UGT1A1: variants seen among roughly 807,000 people sequenced by gnomAD.
UGT1A1 encodes UDP glucuronosyltransferase family 1 member A1.
A neutral mutation model predicts 40.6 loss-of-function variants in UGT1A1; 33 were observed. That is an observed-to-expected ratio of 0.81 (90% confidence interval 0.62 to 1.09). The LOEUF (loss-of-function observed/expected upper bound fraction) is 1.09, where lower values mean the gene tolerates loss of function less well. Ranked by LOEUF, UGT1A1 falls within the 50% of genes least tolerant of loss-of-function variation. The pLI is 0.00. For missense variants in UGT1A1, 694 were observed against 671.2 expected, an observed-to-expected ratio of 1.03 and a Z score of -0.38; for synonymous variants, 249 against 265.0, an observed-to-expected ratio of 0.94 and a Z score of 0.59.
chr2:233,769,487 TTA>T lies in UGT1A1; in HGVS notation c.1304+1050_1304+1051del. On this transcript the variant is annotated intron_variant, in intron 4 of 4. Coordinates refer to ENST00000305208, the MANE Select transcript of UGT1A1 (RefSeq NM_000463.3). This position sits in a 1 kb window ranked among gnomAD's most constrained non-coding sequence, Gnocchi z 4.4. ...TGCGTGTGTGTGTGTGTGCGTGTGT[TTA>T]TGAGAGTGTCCATTGCTTTCTCCCA... The T allele has an allele frequency of 1.2e-6, 2 of 1,612,452 alleles. No individual in the cohort carries two copies. The highest frequency in any genetic ancestry group is 1.7e-6 in the Non-Finnish European group (2 of 1,179,688).
At position 233,761,153 on chromosome 2, in the gene UGT1A1, T is replaced by C. The variant is rs772088902; in HGVS notation, c.864+2T>C. The C allele has an allele frequency of 6.2e-7, 1 of 1,614,188 alleles. No individual in the cohort carries two copies. Among genetic ancestry groups the C allele is most frequent in the Non-Finnish European group, 8.5e-7 (1 of 1,180,042 alleles). On this transcript the variant is annotated splice_donor_variant, in intron 1 of 4. Coordinates refer to ENST00000305208, the MANE Select transcript of UGT1A1 (RefSeq NM_000463.3). LOFTEE classifies it high-confidence loss of function. ...CTTCACCAAAATCCACTATCCCAGG[T>C]GTGTATTGGAGTGGGACTTTTACAT... is the stretch of plus-strand genomic sequence containing the variant.
Position 233,772,725 on chromosome 2 carries a change from A to G in UGT1A1, c.*166A>G. ...AAATTCTCTTAAATAAAAATAATAG[A>G]CTCGCTAGTCAGTAAAGATATTTGA... On this transcript the variant is annotated 3_prime_UTR_variant, in exon 5 of 5. Coordinates refer to ENST00000305208, the MANE Select transcript of UGT1A1 (RefSeq NM_000463.3). The G allele has an allele frequency of 6.9e-7, 1 of 1,452,344 alleles. No homozygotes were observed. Among genetic ancestry groups the G allele is most frequent in the Non-Finnish European group, 9.0e-7 (1 of 1,105,170 alleles). The allele number at this position is 1,452,344 out of a possible 1,614,324, so 90.0% of individuals were successfully genotyped here.
intron 1 of UGT1A1, 34 bp from the exon 2 acceptor site, chr2:233,767,000 A>G: frequency 6.2e-7 from 1 of 1,613,736 alleles, no homozygotes; most frequent in South Asian, 1.1e-5. Context: ...GAATATGAGA[A>G]AAAATTAACT....
chr2:233,769,506 T>A lies in UGT1A1; in HGVS notation c.1304+1067T>A. On this transcript the variant is annotated intron_variant, in intron 4 of 4. Coordinates refer to ENST00000305208, the MANE Select transcript of UGT1A1 (RefSeq NM_000463.3). The surrounding 1 kb of genome is among the most constrained non-coding windows in gnomAD (Gnocchi z 4.4). ...GTGTGTTTATGAGAGTGTCCATTGCTTTCTCCCATGGTTACCTCCTTTAGA... is the reference window on the plus strand; with the variant it reads ...GTGTGTTTATGAGAGTGTCCATTGCATTCTCCCATGGTTACCTCCTTTAGA... The A allele has an allele frequency of 6.2e-7, 1 of 1,612,780 alleles. No individual in the cohort carries two copies. Among genetic ancestry groups the A allele is most frequent in the Non-Finnish European group, 8.5e-7 (1 of 1,179,850 alleles).
Position 233,769,666 on chromosome 2 carries a change from T to C in UGT1A1, c.1304+1227T>C. 1 of 1,592,264 alleles carries C rather than the reference T, an allele frequency of 6.3e-7. No individual in the cohort carries two copies. The highest frequency in any genetic ancestry group is 8.6e-7 in the Non-Finnish European group (1 of 1,169,428). On this transcript the variant is annotated intron_variant, in intron 4 of 4. Transcript: ENST00000305208. This position sits in a 1 kb window ranked among gnomAD's most constrained non-coding sequence, Gnocchi z 4.4. ...GATGACTGACTTCCCACCTTTGAGG[T>C]GCTAATGTGTGTGTGGTGGCACTGG...
chr2:233,772,910 T>G lies in UGT1A1; in HGVS notation c.*351T>G, dbSNP rs1169260027. 5.1e-6 allele frequency: 2 copies of G among 393,790 alleles called. No individual in the cohort carries two copies. Among genetic ancestry groups the G allele is most frequent in the Non-Finnish European group, 8.9e-6 (2 of 225,424 alleles). The allele number at this position is 393,790 out of a possible 1,614,324, so 24.4% of individuals were successfully genotyped here. A position where few individuals can be genotyped will look rare whatever the true frequency, so the allele number is the denominator to read the frequency against. On this transcript the variant is annotated 3_prime_UTR_variant, in exon 5 of 5. Transcript: ENST00000305208. ...AAGGTGGTCCCACGGCTGCCCCTAC[T>G]GCAAATGGCAGTTTTAATCTTATCT...
chr2:233,762,985 T>A (rs544731123), intron 1 of UGT1A1, among the ~76,000 whole-genome samples: 2 of 152,238 alleles, frequency 1.3e-5, no homozygotes, highest in Non-Finnish European at 2.9e-5. Flanking sequence ...GCTATTTTAG[T>A]GGAAATTGAT....
At chr2:233,771,667 A>C (rs1238919275) in intron 4 of UGT1A1, 1 of 152,440 alleles carries the variant, frequency 6.6e-6, no homozygotes, top group African/African-American at 2.4e-5. Flanking sequence ...AATTTCTCAC[A>C]AAATATCACT....
rs558109660 is a variant in UGT1A1, at chr2:233,768,353, TA to T, written c.1220del (p.Lys407ArgfsTer5). The T allele has an allele frequency of 4.0e-5, 64 of 1,614,032 alleles. No individual in the cohort carries two copies. Among genetic ancestry groups the T allele is most frequent in the Non-Finnish European group, 5.4e-5 (64 of 1,180,040 alleles). ...TGGACAATGCAAAGCGCATGGAGAC[TA>T]AGGGAGCTGGAGTGACCCTGAATGT... ...QMDNAKRMET[K>X]GAGVTLNVLE... is the part of the protein sequence containing the mutation. On this transcript the variant is annotated frameshift_variant, in exon 4 of 5. Coordinates refer to ENST00000305208, the MANE Select transcript of UGT1A1 (RefSeq NM_000463.3). LOFTEE classifies it high-confidence loss of function.
At position 233,772,972 on chromosome 2, in the gene UGT1A1, C is replaced by A; in HGVS notation, c.*413C>A. The A allele has an allele frequency of 3.3e-6, 1 of 304,366 alleles. No homozygotes were observed. The highest frequency in any genetic ancestry group is 6.3e-6 in the Non-Finnish European group (1 of 158,956). 18.9% of individuals were successfully genotyped at this position (304,366 alleles called of 1,614,324 possible). On this transcript the variant is annotated 3_prime_UTR_variant, in exon 5 of 5. Transcript: ENST00000305208. ...CAGATGGTTGCAATTGATCCTTAAC[C>A]AATAATGGTCAGTCCTCATCTCTGT...
In UGT1A1 at chr2:233,768,366, G is replaced by A. The variant is rs36076514; in HGVS notation, c.1231G>A (p.Val411Met). Residue 411 changes from valine (V) to methionine (M), a missense_variant, in exon 4 of 5, where the codon GTG (valine) becomes ATG (methionine). Transcript: ENST00000305208. ...AKRMETKGAG[V>M]TLNVLEMTSE... ...GCGCATGGAGACTAAGGGAGCTGGA[G>A]TGACCCTGAATGTTCTGGAAATGAC... 1 of 1,614,180 alleles carries A rather than the reference G, an allele frequency of 6.2e-7. No individual in the cohort carries two copies. Among genetic ancestry groups the A allele is most frequent in the African/African-American group, 1.3e-5 (1 of 75,048 alleles).
chr2:233,766,944 A>T (rs1699286381), intron 1 of UGT1A1, 90 bp from the exon 2 acceptor site: 1 of 1,597,452 alleles, frequency 6.3e-7, no homozygotes, highest in Non-Finnish European at 8.5e-7. Context: ...TCATAGTCTT[A>T]AGAGGAAGAT....
rs1005644336 is a variant in UGT1A1 at position 233,772,950 on chromosome 2, A to G, written c.*391A>G. On this transcript the variant is annotated 3_prime_UTR_variant, in exon 5 of 5. Coordinates refer to ENST00000305208, the MANE Select transcript of UGT1A1 (RefSeq NM_000463.3). Reference sequence around the variant, plus strand: ...TAATCTTATCTTTTGGCTTCTGCAGATGGTTGCAATTGATCCTTAACCAAT... The same window carrying G: ...TAATCTTATCTTTTGGCTTCTGCAGGTGGTTGCAATTGATCCTTAACCAAT... The G allele has an allele frequency of 1.5e-5, 5 of 323,142 alleles. No individual in the cohort carries two copies. Among genetic ancestry groups the G allele is most frequent in the Non-Finnish European group, 2.9e-5 (5 of 171,790 alleles). 20.0% of individuals were successfully genotyped at this position (323,142 alleles called of 1,614,324 possible). A position where few individuals can be genotyped will look rare whatever the true frequency, so the allele number is the denominator to read the frequency against.
chr2:233,767,797 T>G lies in UGT1A1; in HGVS notation c.997-52T>G, dbSNP rs1012424785. The stretch of plus-strand genomic sequence containing the variant: ...TCTAGTTAGTATAGCAGATTTGTTT[T>G]CTAATCATATTATGTTCTTTCTTTA... On this transcript the variant is annotated intron_variant, in intron 2 of 4. Coordinates refer to ENST00000305208, the MANE Select transcript of UGT1A1 (RefSeq NM_000463.3). 5 of 1,614,032 alleles carry G rather than the reference T, an allele frequency of 3.1e-6. No individual in the cohort carries two copies. In the African/African-American group the frequency reaches 4.0e-5, roughly 13 times the overall value.
Position 233,772,517 on chromosome 2 carries a change from A to C in UGT1A1, c.1560A>C (p.Lys520Asn). Residue 520 changes from lysine to asparagine, a missense_variant, in exon 5 of 5, where the codon AAA (lysine) becomes AAC (asparagine). Coordinates refer to ENST00000305208, the MANE Select transcript of UGT1A1 (RefSeq NM_000463.3). Reference protein sequence around the residue: ...CAYGYRKCLGKKGRVKKAHKS... With the variant: ...CAYGYRKCLGNKGRVKKAHKS... ...ATGGCTACCGGAAATGCTTGGGGAA[A>C]AAAGGGCGAGTTAAGAAAGCCCACA... The C allele has an allele frequency of 6.2e-7, 1 of 1,614,222 alleles. No individual in the cohort carries two copies.
chr2:233,771,063 C>G (rs913473960), intron 4 of UGT1A1: 3 of 152,106 alleles, frequency 2.0e-5, no homozygotes, highest in Admixed American at 1.3e-4. Flanking sequence ...ATGACCGGCT[C>G]TCACAATAAC....
chr2:233,760,638 A>G lies in UGT1A1; in HGVS notation c.351A>G (p.Lys117=), dbSNP rs752920136. The change falls in exon 1 of 5, where the codon AAA becomes AAG. Residue 117 remains lysine (K), a synonymous_variant. Coordinates refer to ENST00000305208, the MANE Select transcript of UGT1A1 (RefSeq NM_000463.3). Reference sequence around the variant, plus strand: ...TGATCAAAACATACAAGAAAATAAAAAAGGACTCTGCTATGCTTTTGTCTG... The same window carrying G: ...TGATCAAAACATACAAGAAAATAAAGAAGGACTCTGCTATGCTTTTGTCTG... ...QRVIKTYKKI[K]KDSAMLLSGC... 6.2e-6 allele frequency: 10 copies of G among 1,614,086 alleles called. No individual in the cohort carries two copies. The highest frequency in any genetic ancestry group is 1.3e-5 in the African/African-American group (1 of 74,920).
rs754213125 is a variant in UGT1A1 at position 233,761,125 on chromosome 2, T to G, written c.838T>G (p.Cys280Gly). ...TATGGTTTTTGTTGGTGGAATCAAC[T>G]GCCTTCACCAAAATCCACTATCCCA... ...PNMVFVGGIN[C>G]LHQNPLSQEF... Residue 280 changes from cysteine (C) to glycine (G), a missense_variant, in exon 1 of 5, where the codon TGC becomes GGC. By Grantham distance (159) the Cys-to-Gly change is radical (BLOSUM62 -3). Transcript: ENST00000305208. 1.1e-5 allele frequency: 17 copies of G among 1,614,134 alleles called. No homozygotes were observed. Among genetic ancestry groups the G allele is most frequent in the Middle Eastern group, 1.6e-4 (1 of 6,084 alleles).
chr2:233,764,152 G>C (rs1467176799), intron 1 of UGT1A1, among the ~76,000 whole-genome samples: 3 of 152,176 alleles, frequency 2.0e-5, no homozygotes, highest in Non-Finnish European at 2.9e-5. Flanking sequence ...ATTTTGGCTG[G>C]TGAAGTCTCA....
Sources: allele counts gnomAD v4.1 joint callset (sites outside exome capture counted in the v4.1 genomes callset), GRCh38; gene constraint gnomAD v4.1.1; non-coding constraint Gnocchi (gnomAD v3.1); transcripts MANE v1.5; gene names NCBI Gene and HGNC (gene_info 2026-07-23, HGNC 2026-07-21).